The following DCDC2 variants were observed in gnomAD, a reference collection of about 807,000 sequenced individuals.
The protein encoded by DCDC2 is doublecortin domain-containing protein 2.
In DCDC2, 40 loss-of-function variants were observed where a neutral mutation model predicts 50.2. The ratio of observed to expected loss-of-function variants is 0.80; its 90% CI spans 0.62 to 1.04. The LOEUF is 1.04. Ranked by LOEUF, DCDC2 falls within the 50% of genes least tolerant of loss-of-function variation. The pLI, the probability that DCDC2 is intolerant of heterozygous loss-of-function variation, is 0.00. For synonymous variants in DCDC2, 234 were observed against 210.6 expected (o/e 1.11, Z -0.96); for missense variants, 570 against 581.9 (o/e 0.98, Z 0.21).
At chr6:24,361,809 G>T (rs1171837429), upstream of DCDC2, among the ~76,000 whole-genome samples, 1 of 152,180 alleles carries the variant, frequency 6.6e-6, no homozygotes, top group South Asian at 2.1e-4. Flanking sequence ...CCATGAAGCT[G>T]CCCGCATCAA....
At chr6:24,238,500 T>C (rs1346794471) in intron 7 of DCDC2, among the ~76,000 whole-genome samples, 6 of 151,896 alleles carry the variant, frequency 4.0e-5, no homozygotes, top group African/African-American at 1.5e-4. Context: ...GGTTTCACCA[T>C]GTTGGCCAGG....
At position 24,232,436 on chromosome 6, in the gene DCDC2, G is replaced by T. The variant is rs147393278; in HGVS notation, c.923-27334C>A. On this transcript the variant is annotated intron_variant, in intron 7 of 9. Coordinates refer to ENST00000378454, the MANE Select transcript of DCDC2 (RefSeq NM_016356.5). ...AAGTCAACTCAATCAGCATGTTCAG[G>T]CACTAAACAAACTCACCAATACTAA... is the stretch of plus-strand genomic sequence containing the variant. Among the ~76,000 whole-genome samples the T allele has an allele frequency of 1.1e-3, 164 of 152,266 alleles. 4 individuals are homozygous for T. The East Asian group carries it at 0.029, about 27-fold the overall frequency.
At chr6:24,280,853 T>G (rs1763454418) in intron 6 of DCDC2, among the ~76,000 whole-genome samples, 1 of 152,152 alleles carries the variant, frequency 6.6e-6, no homozygotes, top group African/African-American at 2.4e-5. Flanking sequence ...TTTTAAAAAT[T>G]TAAAAGCTTT....
chr6:24,232,955 T>C (rs922089409), intron 7 of DCDC2, among the ~76,000 whole-genome samples: 2 of 152,102 alleles, frequency 1.3e-5, no homozygotes, highest in East Asian at 3.9e-4. Context: ...GGTAAAAACA[T>C]CTTTCCTTTT....
the DCDC2 span, among the ~76,000 whole-genome samples, chr6:24,363,493 C>A: frequency 6.6e-6 from 1 of 152,040 alleles, no homozygotes; most frequent in African/African-American, 2.4e-5. Flanking sequence ...AGAATAAGAC[C>A]CTGTCTCAAA....
chr6:24,204,578 T>C (rs527771851), intron 8 of DCDC2, among the ~76,000 whole-genome samples: 1 of 152,166 alleles, frequency 6.6e-6, no homozygotes, highest in African/African-American at 2.4e-5. Context: ...ATGGCACCTC[T>C]GTAACAAACC....
Position 24,351,048 on chromosome 6 carries a change from C to A in DCDC2, c.348+2521G>T, listed in dbSNP as rs1408232191. 5.3e-5 allele frequency among the ~76,000 whole-genome samples: 8 copies of A among 152,264 alleles called. No homozygotes were observed. In the East Asian group the frequency reaches 1.5e-3, roughly 29 times the overall value. On this transcript the variant is annotated intron_variant, in intron 2 of 9. Transcript: ENST00000378454. The stretch of plus-strand genomic sequence containing the variant: ...ACACAGTATAATTAGGTTCTCAGGG[C>A]AGCCTGCAAAACCCTTTTCCACTCG...
upstream of DCDC2, among the ~76,000 whole-genome samples, chr6:24,359,177 A>T (rs1313127192): frequency 4.6e-4 from 22 of 47,460 alleles, no homozygotes; most frequent in African/African-American, 1.8e-3. Context: ...TTTTATATAT[A>T]TTTTATATAT....
intron 6 of DCDC2, among the ~76,000 whole-genome samples, chr6:24,279,898 C>T (rs559112536): frequency 9.9e-5 from 15 of 152,266 alleles, no homozygotes; most frequent in Admixed American, 7.8e-4. Context: ...TAGTACAGTG[C>T]GTGATGTATG....
chr6:24,277,630 G>A (rs901385972), intron 7 of DCDC2, among the ~76,000 whole-genome samples: 1 of 151,892 alleles, frequency 6.6e-6, no homozygotes, highest in Non-Finnish European at 1.5e-5. Context: ...TGTTCTCTTG[G>A]TTATCAGTAT....
At chr6:24,370,511 C>A in the DCDC2 span, among the ~76,000 whole-genome samples, 1 of 152,058 alleles carries the variant, frequency 6.6e-6, no homozygotes, top group African/African-American at 2.4e-5. Flanking sequence ...AGTCCAAGAC[C>A]AGCCTGGCCA....
At chr6:24,321,939 T>C (rs1026209755) in intron 2 of DCDC2, among the ~76,000 whole-genome samples, 1 of 150,470 alleles carries the variant, frequency 6.6e-6, no homozygotes, top group Non-Finnish European at 1.5e-5. Flanking sequence ...GTTTTGTTTA[T>C]CTTGAAAACA....
At chr6:24,268,969 T>C (rs1389206531) in intron 7 of DCDC2, among the ~76,000 whole-genome samples, 1 of 152,234 alleles carries the variant, frequency 6.6e-6, no homozygotes, top group African/African-American at 2.4e-5. Context: ...AATAAATGGG[T>C]AGCTTTAAAC....
intron 2 of DCDC2, among the ~76,000 whole-genome samples, chr6:24,308,815 A>G (rs1249241747): frequency 6.6e-6 from 1 of 152,212 alleles, no homozygotes; most frequent in African/African-American, 2.4e-5. Context: ...CGCTTTAGCA[A>G]ATTAGACACA....
intron 2 of DCDC2, among the ~76,000 whole-genome samples, chr6:24,333,134 C>A (rs755892515): frequency 6.6e-6 from 1 of 152,086 alleles, no homozygotes; most frequent in Non-Finnish European, 1.5e-5. Context: ...AGAGAACAGC[C>A]ATGTGCAAAG....
At chr6:24,242,048 G>A (rs1463619762) in intron 7 of DCDC2, among the ~76,000 whole-genome samples, 1 of 152,036 alleles carries the variant, frequency 6.6e-6, no homozygotes, top group African/African-American at 2.4e-5. Flanking sequence ...GGTGGTGCAT[G>A]CCTGTAGTCC....
At chr6:24,354,489 G>A (rs1191957040) in intron 1 of DCDC2, among the ~76,000 whole-genome samples, 4 of 152,070 alleles carry the variant, frequency 2.6e-5, no homozygotes, top group South Asian at 2.1e-4. Flanking sequence ...TTTTATTGTT[G>A]CTGTTTGCCT....
intron 7 of DCDC2, among the ~76,000 whole-genome samples, chr6:24,221,675 G>A (rs528495619): frequency 6.6e-6 from 1 of 152,298 alleles, no homozygotes; most frequent in South Asian, 2.1e-4. Context: ...TGTCTACTAC[G>A]TGCTAAGTCC....
At position 24,325,041 on chromosome 6, in the gene DCDC2, G is replaced by A. The variant is rs115895095; in HGVS notation, c.349-22997C>T. 7.2e-3 allele frequency among the ~76,000 whole-genome samples: 1,098 copies of A among 152,182 alleles called. 8 individuals carry two copies. The highest frequency in any genetic ancestry group is 0.025 in the African/African-American group (1,031 of 41,526). On this transcript the variant is annotated intron_variant, in intron 2 of 9. Transcript: ENST00000378454. Reference sequence around the variant, plus strand: ...TGCAATGAAGAGTAAGGCCATGTTCGTCTTACTCTCAGCCTGCCTACCACA... The same window carrying A: ...TGCAATGAAGAGTAAGGCCATGTTCATCTTACTCTCAGCCTGCCTACCACA...
Sources: gnomAD v4.1 joint callset for allele counts (sites outside exome capture counted in the v4.1 genomes callset) on GRCh38, gnomAD v4.1.1 for gene constraint, MANE v1.5 for transcripts, NCBI Gene and HGNC (gene_info 2026-07-23, HGNC 2026-07-21) for gene names.